ABCC1: variants seen among roughly 807,000 people sequenced by gnomAD.
ABCC1 encodes the protein multidrug resistance-associated protein 1.
In ABCC1, 83 loss-of-function variants were observed where a neutral mutation model predicts 172.9. That is an observed-to-expected ratio of 0.48 (90% CI 0.40 to 0.58). The LOEUF is 0.58. Ranked by LOEUF, ABCC1 falls within the 20% of genes least tolerant of loss-of-function variation. The pLI is 0.00. For synonymous variants in ABCC1, 937 were observed against 825.2 expected, an observed-to-expected ratio of 1.14 and a Z score of -2.32; for missense variants, 1,817 against 2,002.7, an observed-to-expected ratio of 0.91 and a Z score of 1.77.
intron 10 of ABCC1, among the ~76,000 whole-genome samples, chr16:16,051,360 T>TG (rs1355017841): frequency 2.6e-5 from 4 of 151,654 alleles, no homozygotes; most frequent in Admixed American, 6.6e-5. Flanking sequence ...TTTGTAGAAA[T>TG]GGGGGTCTTG....
chr16:16,123,582 G>A (rs769359423), intron 24 of ABCC1, among the ~76,000 whole-genome samples: 2 of 151,712 alleles, frequency 1.3e-5, no homozygotes, highest in African/African-American at 4.8e-5. Context: ...AGCCAAGACC[G>A]CACCATTGCA....
intron 1 of ABCC1, among the ~76,000 whole-genome samples, chr16:16,006,909 A>G (rs968297736): frequency 1.6e-4 from 17 of 105,632 alleles, no homozygotes; most frequent in Admixed American, 1.1e-4. Context: ...GGCGATGGTG[A>G]TGATGATGGT....
chr16:16,132,823 GGAA>G (rs1263541666), intron 27 of ABCC1, among the ~76,000 whole-genome samples: 1 of 152,024 alleles, frequency 6.6e-6, no homozygotes, highest in African/African-American at 2.4e-5. Context: ...CACCTGGCCT[GGAA>G]GAAATTTGAA....
chr16:16,016,658 G>C (rs746792450), intron 5 of ABCC1, 37 bp downstream of exon 5: 1 of 1,611,526 alleles, frequency 6.2e-7, no homozygotes, highest in African/African-American at 1.3e-5. Flanking sequence ...GTGCGTGTGT[G>C]TGTGAGAGAG....
intron 7 of ABCC1, among the ~76,000 whole-genome samples, chr16:16,037,858 G>A (rs568734589): frequency 2.0e-5 from 3 of 152,286 alleles, no homozygotes; most frequent in South Asian, 2.1e-4. Context: ...TCGTGACTCC[G>A]GTCGGAGGCT....
chr16:16,091,058 G>C (rs1224976422), intron 19 of ABCC1, among the ~76,000 whole-genome samples: 1 of 152,028 alleles, frequency 6.6e-6, no homozygotes, highest in Admixed American at 6.6e-5. Flanking sequence ...ATCCCCGGCC[G>C]CTCATCTCCC....
chr16:16,019,356 G>A (rs151094111), intron 5 of ABCC1, among the ~76,000 whole-genome samples: 83 of 152,136 alleles, frequency 5.5e-4, no homozygotes, highest in African/African-American at 1.9e-3. Flanking sequence ...CACCCGCCTC[G>A]GCCTCCCAAA....
chr16:16,017,129 G>A (rs768128339), intron 5 of ABCC1, among the ~76,000 whole-genome samples: 5 of 152,206 alleles, frequency 3.3e-5, no homozygotes, highest in Admixed American at 2.0e-4. Flanking sequence ...GTCAGTTTCA[G>A]AGAAATTCTG....
intron 1 of ABCC1, among the ~76,000 whole-genome samples, chr16:15,993,218 G>A (rs1597081777): frequency 6.6e-6 from 1 of 152,206 alleles, no homozygotes; most frequent in Admixed American, 6.5e-5. Context: ...TCAATAAACA[G>A]TCATCGAATG....
intron 6 of ABCC1, among the ~76,000 whole-genome samples, chr16:16,035,144 G>A (rs1048135210): frequency 2.0e-5 from 3 of 151,980 alleles, no homozygotes; most frequent in Admixed American, 2.0e-4. Context: ...GCTCATGCCT[G>A]TAATGTTAGC....
intron 3 of ABCC1, among the ~76,000 whole-genome samples, chr16:16,010,464 T>G (rs1026827413): frequency 7.9e-5 from 12 of 152,280 alleles, no homozygotes; most frequent in Admixed American, 2.6e-4. Context: ...TTGCCACACT[T>G]TGCTCTTGCA....
intron 1 of ABCC1, among the ~76,000 whole-genome samples, chr16:15,984,528 C>T (rs760575328): frequency 7.3e-5 from 11 of 149,918 alleles, no homozygotes; most frequent in Admixed American, 4.7e-4. Flanking sequence ...CTGCATCCTC[C>T]GCTTCCCAGT....
At chr16:16,060,439 A>G (rs1259211563) in intron 12 of ABCC1, among the ~76,000 whole-genome samples, 1 of 152,138 alleles carries the variant, frequency 6.6e-6, no homozygotes, top group Non-Finnish European at 1.5e-5. Flanking sequence ...TTCCAGCTCC[A>G]ATGCCCCTGC....
chr16:16,009,753 A>T (rs1178792679), intron 2 of ABCC1, 23 bp from the exon 3 acceptor site: 4 of 1,593,980 alleles, frequency 2.5e-6, no homozygotes, highest in Non-Finnish European at 3.4e-6. Flanking sequence ...CTGTTGTAGG[A>T]TATGTATGTG....
chr16:16,077,664 C>T (rs919303201), intron 15 of ABCC1, among the ~76,000 whole-genome samples: 3 of 152,170 alleles, frequency 2.0e-5, no homozygotes, highest in Admixed American at 2.0e-4. Flanking sequence ...ATGAGTGTCA[C>T]CATGCAGCAG....
At chr16:16,034,718 G>A (rs2048690042) in intron 6 of ABCC1, among the ~76,000 whole-genome samples, 1 of 150,810 alleles carries the variant, frequency 6.6e-6, no homozygotes, top group South Asian at 2.1e-4. Flanking sequence ...CTCCTGAGTA[G>A]CTGGGATTAC....
intron 1 of ABCC1, among the ~76,000 whole-genome samples, chr16:15,979,506 C>CT (rs1232082442): frequency 2.5e-5 from 2 of 80,182 alleles, no homozygotes; most frequent in East Asian, 2.9e-4. Flanking sequence ...CTCTCTCTCT[C>CT]TTTTTTAATA....
intron 5 of ABCC1, among the ~76,000 whole-genome samples, chr16:16,021,990 G>T (rs961243227): frequency 6.6e-6 from 1 of 152,180 alleles, no homozygotes; most frequent in African/African-American, 2.4e-5. Context: ...CAACCTGTTT[G>T]CTTGTTTTCC....
chr16:16,038,062 A>G (rs2151850961), intron 7 of ABCC1, among the ~76,000 whole-genome samples: 1 of 152,166 alleles, frequency 6.6e-6, no homozygotes, highest in African/African-American at 2.4e-5. Context: ...GGATGGATGG[A>G]TAGATGATAG....
Sources: gnomAD v4.1 joint callset for allele counts (sites outside exome capture counted in the v4.1 genomes callset) on GRCh38, gnomAD v4.1.1 for gene constraint, MANE v1.5 for transcripts, NCBI Gene and HGNC (gene_info 2026-07-23, HGNC 2026-07-21) for gene names.